DPYD: variants seen among roughly 807,000 people sequenced by gnomAD.
The protein encoded by DPYD is dihydropyrimidine dehydrogenase [NADP(+)].
Under a neutral mutation model 116.2 loss-of-function variants are expected in DPYD, and 109 were observed. That is an observed-to-expected ratio of 0.94 (90% CI 0.80 to 1.10). The LOEUF is 1.10. DPYD is among the 50% of genes least tolerant of loss of function. The pLI, the probability that DPYD is intolerant of heterozygous loss-of-function variation, is 0.00. For synonymous variants in DPYD, 440 were observed against 432.0 expected, an observed-to-expected ratio of 1.02 and a Z score of -0.23; for missense variants, 1,302 against 1,254.5, an observed-to-expected ratio of 1.04 and a Z score of -0.57.
rs551213531 is a variant in DPYD at position 97,192,340 on chromosome 1, CCTCT to C, written c.2622+725_2622+728del. 1.6e-3 allele frequency among the ~76,000 whole-genome samples: 240 copies of C among 150,264 alleles called. 2 individuals carry two copies. Among genetic ancestry groups the C allele is most frequent in the African/African-American group, 5.6e-3 (234 of 41,450 alleles). On this transcript the variant is annotated intron_variant, in intron 20 of 22. Coordinates refer to ENST00000370192, the MANE Select transcript of DPYD (RefSeq NM_000110.4). ...TTCCTTAAAGAATCTTTTTATACTG[CCTCT>C]CTTTTTTTTAAAGTTAATTATTGAT...
chr1:97,736,984 T>C (rs953067167), intron 4 of DPYD, among the ~76,000 whole-genome samples: 2 of 152,056 alleles, frequency 1.3e-5, no homozygotes, highest in Non-Finnish European at 2.9e-5. Flanking sequence ...CCATCACCAC[T>C]AGTAGTCATT....
intron 22 of DPYD, among the ~76,000 whole-genome samples, chr1:97,081,344 C>CAATATTGT (rs1410680764): frequency 2.6e-5 from 4 of 151,784 alleles, no homozygotes; most frequent in Non-Finnish European, 5.9e-5. Flanking sequence ...ATAATAAAAA[C>CAATATTGT]AATATTGTAT....
At chr1:97,522,278 AT>A (rs539359885) in intron 12 of DPYD, among the ~76,000 whole-genome samples, 241 of 152,342 alleles carry the variant, frequency 1.6e-3, no homozygotes, top group Non-Finnish European at 1.1e-3. Flanking sequence ...AAAAGAAGAT[AT>A]TTATGTGGCT....
intron 8 of DPYD, among the ~76,000 whole-genome samples, chr1:97,666,403 C>T (rs905546850): frequency 8.5e-5 from 13 of 152,252 alleles, no homozygotes; most frequent in Middle Eastern, 3.4e-3. Flanking sequence ...AGGCGATCCT[C>T]CTGCCTCACC....
At chr1:97,405,098 A>T (rs895551097) in intron 14 of DPYD, among the ~76,000 whole-genome samples, 1 of 151,888 alleles carries the variant, frequency 6.6e-6, no homozygotes, top group Admixed American at 6.6e-5. Flanking sequence ...CCTCCTGTCC[A>T]TTGTGTCACT....
chr1:97,079,197 A>G (rs1194316067), intron 22 of DPYD, 51 bp from the exon 23 acceptor site: 1 of 1,601,122 alleles, frequency 6.2e-7, no homozygotes, highest in East Asian at 2.2e-5. Context: ...AAGGTCAACA[A>G]TGTCCCCATT....
chr1:97,398,859 T>C (rs1673173797), intron 14 of DPYD, among the ~76,000 whole-genome samples: 1 of 152,220 alleles, frequency 6.6e-6, no homozygotes, highest in African/African-American at 2.4e-5. Context: ...CTTTGTCAGA[T>C]GAGTAGATTG....
chr1:97,830,267 C>G (rs2101489940), intron 2 of DPYD, among the ~76,000 whole-genome samples: 1 of 152,176 alleles, frequency 6.6e-6, no homozygotes, highest in South Asian at 2.1e-4. Context: ...TGTAGAGGAA[C>G]AAGTTCATAA....
chr1:97,189,686 T>C (rs989284974), intron 20 of DPYD, among the ~76,000 whole-genome samples: 2 of 152,180 alleles, frequency 1.3e-5, no homozygotes, highest in Non-Finnish European at 2.9e-5. Flanking sequence ...TATTTTCATT[T>C]TGGTAATCTT....
intron 3 of DPYD, among the ~76,000 whole-genome samples, chr1:97,817,531 T>C (rs1483110405): frequency 6.6e-6 from 1 of 152,100 alleles, no homozygotes; most frequent in Non-Finnish European, 1.5e-5. Context: ...GGCCAGCTAT[T>C]TTATTATAGT....
intron 12 of DPYD, among the ~76,000 whole-genome samples, chr1:97,535,917 A>T (rs1279656415): frequency 6.6e-6 from 1 of 152,228 alleles, no homozygotes; most frequent in African/African-American, 2.4e-5. Context: ...ATAATTATTT[A>T]AAAATATTAG....
At chr1:97,776,899 T>C (rs1344327801) in intron 3 of DPYD, among the ~76,000 whole-genome samples, 1 of 152,224 alleles carries the variant, frequency 6.6e-6, no homozygotes, top group Admixed American at 6.5e-5. Context: ...AAATTAGTTG[T>C]TACTGTTATT....
intron 12 of DPYD, among the ~76,000 whole-genome samples, chr1:97,529,362 C>CT (rs959110592): frequency 1.3e-5 from 2 of 152,004 alleles, no homozygotes; most frequent in Middle Eastern, 3.2e-3. Flanking sequence ...TCTTTTCTTT[C>CT]TTTTTTAAAA....
intron 20 of DPYD, among the ~76,000 whole-genome samples, chr1:97,109,771 T>G (rs1056824978): frequency 3.3e-5 from 5 of 152,148 alleles, no homozygotes; most frequent in Non-Finnish European, 7.4e-5. Context: ...ATGATCATCA[T>G]TTTGAAAGTC....
At chr1:97,123,404 T>C (rs1307824950) in intron 20 of DPYD, among the ~76,000 whole-genome samples, 1 of 152,108 alleles carries the variant, frequency 6.6e-6, no homozygotes, top group East Asian at 1.9e-4. Flanking sequence ...TATTATGCTA[T>C]CAAATAAATA....
chr1:97,864,059 TA>T (rs1397353797), intron 2 of DPYD, among the ~76,000 whole-genome samples: 1 of 152,024 alleles, frequency 6.6e-6, no homozygotes, highest in African/African-American at 2.4e-5. Flanking sequence ...AAACGAGCAA[TA>T]TTAATACAAT....
At chr1:97,566,468 A>C (rs1652529067) in intron 11 of DPYD, among the ~76,000 whole-genome samples, 1 of 152,112 alleles carries the variant, frequency 6.6e-6, no homozygotes, top group Non-Finnish European at 1.5e-5. Context: ...TTTAGTTCTT[A>C]ATGTTAGGTA....
At chr1:97,514,047 C>T (rs1019802734) in intron 13 of DPYD, among the ~76,000 whole-genome samples, 12 of 151,806 alleles carry the variant, frequency 7.9e-5, no homozygotes, top group Admixed American at 1.3e-4. Flanking sequence ...CAAAAAACCC[C>T]GCATGGTTAC....
chr1:97,885,579 A>C (rs555593971), intron 1 of DPYD, among the ~76,000 whole-genome samples: 13 of 152,116 alleles, frequency 8.5e-5, no homozygotes, highest in South Asian at 2.1e-4. Flanking sequence ...GGTAATAACA[A>C]TGCTTTGTGT....
Sources: allele counts gnomAD v4.1 joint callset (sites outside exome capture counted in the v4.1 genomes callset), GRCh38; gene constraint gnomAD v4.1.1; transcripts MANE v1.5; gene names NCBI Gene and HGNC (gene_info 2026-07-23, HGNC 2026-07-21).